Variants in AGBL4 observed in about 807,000 individuals in gnomAD.
The protein encoded by AGBL4 is AGBL carboxypeptidase 4, also known as cytosolic carboxypeptidase 6.
A neutral mutation model predicts 66.4 loss-of-function variants in AGBL4; 58 were observed. That is an observed-to-expected ratio of 0.87 (90% CI 0.71 to 1.09). The LOEUF is 1.09. AGBL4 is among the 50% of genes least tolerant of loss of function. The pLI, the probability that AGBL4 is intolerant of heterozygous loss-of-function variation, is 0.00. For synonymous variants in AGBL4, 234 were observed against 222.9 expected, an observed-to-expected ratio of 1.05 and a Z score of -0.44; for missense variants, 579 against 631.0, an observed-to-expected ratio of 0.92 and a Z score of 0.88.
At chr1:49,088,949 T>C (rs1644954608) in intron 4 of AGBL4, among the ~76,000 whole-genome samples, 1 of 151,924 alleles carries the variant, frequency 6.6e-6, no homozygotes, top group Non-Finnish European at 1.5e-5. Flanking sequence ...CTAAAAAAGT[T>C]TCTCAAAACC....
intron 4 of AGBL4, among the ~76,000 whole-genome samples, chr1:49,070,244 C>T (rs188185378): frequency 6.6e-6 from 1 of 151,944 alleles, no homozygotes; most frequent in Non-Finnish European, 1.5e-5. Flanking sequence ...GCCTGATTGC[C>T]CTGGCCAGAA....
intron 3 of AGBL4, among the ~76,000 whole-genome samples, chr1:49,432,882 T>C (rs1444830185): frequency 6.6e-6 from 1 of 152,170 alleles, no homozygotes; most frequent in Middle Eastern, 3.2e-3. Context: ...CAAAGAGGCA[T>C]GATTAAAGGG....
chr1:49,929,199 A>G (rs1653087084), intron 1 of AGBL4, among the ~76,000 whole-genome samples: 1 of 152,100 alleles, frequency 6.6e-6, no homozygotes, highest in South Asian at 2.1e-4. Context: ...AAAACCACCT[A>G]TTGGGTAACA....
chr1:48,534,041 G>T lies in AGBL4; in HGVS notation c.*132C>A. On this transcript the variant is annotated 3_prime_UTR_variant, in exon 14 of 14. Transcript: ENST00000371839. The stretch of plus-strand genomic sequence containing the variant: ...AAAATCAGTGATGAAGTTTCTCATT[G>T]TATCCCTTCCCTTTCACTAGCCTAT... 2 of 1,373,370 alleles carry T rather than the reference G, an allele frequency of 1.5e-6. No individual in the cohort carries two copies. Among genetic ancestry groups the T allele is most frequent in the Non-Finnish European group, 2.0e-6 (2 of 988,260 alleles). 85.1% of individuals were successfully genotyped at this position (1,373,370 alleles called of 1,614,324 possible).
chr1:49,297,984 CA>C (rs1311897106), intron 3 of AGBL4, among the ~76,000 whole-genome samples: 1 of 152,162 alleles, frequency 6.6e-6, no homozygotes, highest in Non-Finnish European at 1.5e-5. Flanking sequence ...AACTTCCGGC[CA>C]GGAGGCTGCT....
intron 2 of AGBL4, among the ~76,000 whole-genome samples, chr1:49,791,937 T>G (rs111289923): frequency 1.6e-3 from 243 of 152,240 alleles, no homozygotes; most frequent in Non-Finnish European, 2.7e-3. Context: ...ACGCCTAGCA[T>G]TATGTCTGAA....
intron 3 of AGBL4, among the ~76,000 whole-genome samples, chr1:49,381,084 G>A (rs558945716): frequency 1.2e-4 from 18 of 152,078 alleles, no homozygotes; most frequent in East Asian, 1.2e-3. Context: ...GAAAATTTTC[G>A]CAACCTACTC....
rs985602925 is a variant in AGBL4 at position 48,906,863 on chromosome 1, A to G, written c.595-39633T>C. ...AAATAAGTAAATAAGTACATTGTAC[A>G]ATAGATGACTGAAGAAGATACGTTT... On this transcript the variant is annotated intron_variant, in intron 5 of 13. Transcript: ENST00000371839. 5.9e-5 allele frequency among the ~76,000 whole-genome samples: 9 copies of G among 152,266 alleles called. 1 individual carries two copies. The highest frequency in any genetic ancestry group is 2.2e-4 in the African/African-American group (9 of 41,472).
At chr1:48,954,845 T>C (rs146434978) in intron 5 of AGBL4, among the ~76,000 whole-genome samples, 2 of 152,272 alleles carry the variant, frequency 1.3e-5, no homozygotes, top group African/African-American at 2.4e-5. Context: ...ACTACAGATC[T>C]GGAAGGTAAA....
intron 1 of AGBL4, among the ~76,000 whole-genome samples, chr1:49,874,209 G>A (rs1277921593): frequency 6.6e-6 from 1 of 152,066 alleles, no homozygotes; most frequent in Admixed American, 6.6e-5. Context: ...AAATCAACTT[G>A]AAATTGATCA....
chr1:48,804,400 T>G (rs1335938477), intron 6 of AGBL4, among the ~76,000 whole-genome samples: 3 of 152,236 alleles, frequency 2.0e-5, no homozygotes, highest in Non-Finnish European at 4.4e-5. Flanking sequence ...AGTTTTACTC[T>G]CTATTTTACT....
intron 4 of AGBL4, among the ~76,000 whole-genome samples, chr1:49,135,064 G>A (rs1019185348): frequency 1.3e-4 from 20 of 151,306 alleles, no homozygotes; most frequent in African/African-American, 4.9e-4. Context: ...ATTCCTTACT[G>A]GGGAAATAAC....
At chr1:49,678,427 A>AT (rs1238951143) in intron 3 of AGBL4, among the ~76,000 whole-genome samples, 1 of 151,790 alleles carries the variant, frequency 6.6e-6, no homozygotes, top group Non-Finnish European at 1.5e-5. Context: ...TGCTAGATTG[A>AT]TTTTCTCTAC....
At chr1:49,215,892 T>C (rs963726901) in intron 4 of AGBL4, among the ~76,000 whole-genome samples, 1 of 152,086 alleles carries the variant, frequency 6.6e-6, no homozygotes, top group Non-Finnish European at 1.5e-5. Flanking sequence ...TGACATGATA[T>C]ATTATTATCC....
rs191405577 is a variant in AGBL4 at position 48,746,102 on chromosome 1, T to C, written c.635-82861A>G. Among the ~76,000 whole-genome samples the C allele has an allele frequency of 4.6e-5, 7 of 152,318 alleles. No individual in the cohort carries two copies. In the East Asian group the frequency reaches 1.4e-3, roughly 29 times the overall value. ...AAATAATTGCTTAACCTCTCTGATC[T>C]TGTTGTGTCACCTGAAAGGAGGAAA... On this transcript the variant is annotated intron_variant, in intron 6 of 13. Coordinates refer to ENST00000371839, the MANE Select transcript of AGBL4 (RefSeq NM_032785.4).
At chr1:49,274,261 T>C (rs1360675811) in intron 3 of AGBL4, among the ~76,000 whole-genome samples, 2 of 152,192 alleles carry the variant, frequency 1.3e-5, no homozygotes, top group African/African-American at 4.8e-5. Flanking sequence ...TCTTTAGACC[T>C]GAAATTAACT....
chr1:49,002,604 T>C (rs192901767), intron 5 of AGBL4, among the ~76,000 whole-genome samples: 198 of 152,250 alleles, frequency 1.3e-3, no homozygotes, highest in African/African-American at 2.8e-3. Context: ...TTCTCAACAA[T>C]GTAATGTGTA....
intron 6 of AGBL4, among the ~76,000 whole-genome samples, chr1:48,718,431 A>G (rs189989620): frequency 6.6e-6 from 1 of 152,264 alleles, no homozygotes; most frequent in Non-Finnish European, 1.5e-5. Flanking sequence ...AGAAAAGTGC[A>G]TGAATCAGCA....
intron 3 of AGBL4, among the ~76,000 whole-genome samples, chr1:49,557,007 G>A (rs10437056): frequency 0.053 from 8,106 of 152,122 alleles, 259 homozygotes; most frequent in African/African-American, 0.071. Flanking sequence ...CTCAGAGTGC[G>A]GGGCTGCCCA....
Sources: allele counts gnomAD v4.1 joint callset (sites outside exome capture counted in the v4.1 genomes callset), GRCh38; gene constraint gnomAD v4.1.1; transcripts MANE v1.5; gene names NCBI Gene and HGNC (gene_info 2026-07-23, HGNC 2026-07-21).